Variants in GLS observed in about 807,000 individuals in gnomAD.
GLS encodes the protein glutaminase kidney isoform, mitochondrial.
In GLS, 36 loss-of-function variants were observed where a neutral mutation model predicts 86.7. The observed-to-expected ratio is 0.42, with a 90% CI of 0.32 to 0.55. The LOEUF (loss-of-function observed/expected upper bound fraction) is 0.55. Among genes scored for constraint, GLS ranks in the 20% least tolerant of loss-of-function variants. GLS has a pLI of 0.17. For synonymous variants in GLS, 317 were observed against 305.9 expected (o/e 1.04, Z -0.38); for missense variants, 528 against 833.4 (o/e 0.63, Z 4.51).
Position 190,901,941 on chromosome 2 carries a change from G to T in GLS, c.736-6G>T. The T allele has an allele frequency of 6.4e-7, 1 of 1,565,510 alleles. No homozygotes were observed. The highest frequency in any genetic ancestry group is 1.1e-5 in the South Asian group (1 of 90,020). ...TCTATTCATTTCTTTCCAATCTTTT[G>T]GATAGGTTGCAGATTATATTCCTCA... On this transcript the variant is annotated splice_polypyrimidine_tract_variant and splice_region_variant and intron_variant, in intron 4 of 17. Coordinates refer to ENST00000320717, the MANE Select transcript of GLS (RefSeq NM_014905.5).
intron 4 of GLS, 106 bp from the exon 5 acceptor site, chr2:190,901,841 C>T: frequency 2.8e-6 from 2 of 724,294 alleles, no homozygotes; most frequent in Middle Eastern, 3.4e-4. Flanking sequence ...TGTAGAATAA[C>T]TAGTCATTGG....
rs1377415680 is a variant in GLS at position 190,943,388 on chromosome 2, C to A, written c.1651-10177C>A. Among the ~76,000 whole-genome samples, 1 of 152,050 alleles carries A rather than the reference C, an allele frequency of 6.6e-6. No homozygotes were observed. Among genetic ancestry groups the A allele is most frequent in the African/African-American group, 2.4e-5 (1 of 41,392 alleles). On this transcript the variant is annotated intron_variant, in intron 14 of 17. Coordinates refer to ENST00000320717, the MANE Select transcript of GLS (RefSeq NM_014905.5). The surrounding 1 kb of genome is among the most constrained non-coding windows in gnomAD (Gnocchi z 4.5). ...AGTGATAAGGAAAGTGTATCAAAGA[C>A]AGAACCCTAAGAAACCATCATTTTA...
rs57991546 is a variant in GLS, at chr2:190,953,950, ATGTGTGTGTGTGTGTGTGTG to A, written c.1712+351_1712+370del. ...CTACCCTCCATTCCCAATCTTTGAT[ATGTGTGTGTGTGTGTGTGTG>A]TGTGTGTGTGTGTGTGTGTGTGTGT... is the stretch of plus-strand genomic sequence containing the variant. On this transcript the variant is annotated intron_variant, in intron 15 of 17. Transcript: ENST00000320717. The surrounding 1 kb of genome is among the most constrained non-coding windows in gnomAD (Gnocchi z 4.0). Among the ~76,000 whole-genome samples, 13 of 136,682 alleles carry A rather than the reference ATGTGTGTGTGTGTGTGTGTG, an allele frequency of 9.5e-5. No homozygotes were observed. Among genetic ancestry groups the A allele is most frequent in the South Asian group, 2.6e-4 (1 of 3,906 alleles). 89.7% of individuals were successfully genotyped at this position (136,682 alleles called of 152,430 possible). A position where few individuals can be genotyped will look rare whatever the true frequency, so the allele number is the denominator to read the frequency against.
At position 190,915,538 on chromosome 2, in the gene GLS, T is replaced by C. The variant is rs376928990; in HGVS notation, c.1038+5217T>C. ...AGTGATCTTCAAACTGGGATAAATA[T>C]ATCTTTGGATTCCATACTTGGAATT... On this transcript the variant is annotated intron_variant, in intron 7 of 17. Transcript: ENST00000320717. 2.6e-5 allele frequency among the ~76,000 whole-genome samples: 4 copies of C among 152,324 alleles called. No individual in the cohort carries two copies. The East Asian group carries it at 7.7e-4, about 29-fold the overall frequency.
At position 190,913,408 on chromosome 2, in the gene GLS, G is replaced by C; in HGVS notation, c.1038+3087G>C. ...ACAAATGTAATTTTATACTTAAAAT[G>C]CACATAATTTTTAAAAATCATAAGG... On this transcript the variant is annotated intron_variant, in intron 7 of 17. Coordinates refer to ENST00000320717, the MANE Select transcript of GLS (RefSeq NM_014905.5). The surrounding 1 kb of genome is among the most constrained non-coding windows in gnomAD (Gnocchi z 6.1). 1 of 919,000 alleles carries C rather than the reference G, an allele frequency of 1.1e-6. No homozygotes were observed. Among genetic ancestry groups the C allele is most frequent in the African/African-American group, 1.8e-5 (1 of 56,174 alleles). 56.9% of individuals were successfully genotyped at this position (919,000 alleles called of 1,614,324 possible). A position where few individuals can be genotyped will look rare whatever the true frequency, so the allele number is the denominator to read the frequency against.
At chr2:190,912,365 T>TTA (rs34287390) in intron 7 of GLS, among the ~76,000 whole-genome samples, 4 of 142,736 alleles carry the variant, frequency 2.8e-5, no homozygotes, top group Admixed American at 1.5e-4. Flanking sequence ...TTTTTTTTTT[T>TTA]ATGAAGTTCA....
chr2:190,881,122 T>C lies in GLS; in HGVS notation c.38T>C (p.Leu13Pro), dbSNP rs770943075. 1 of 1,560,648 alleles carries C rather than the reference T, an allele frequency of 6.4e-7. No homozygotes were observed. The highest frequency in any genetic ancestry group is 8.6e-7 in the Non-Finnish European group (1 of 1,161,682). ...CGAGGCTCGGGGATGCTGCGGGACC[T>C]GCTCCTGCGGTCGCCCGCCGGCGTG... The part of the protein sequence containing the change: ...RLRGSGMLRD[L>P]LLRSPAGVSA... Residue 13 changes from leucine to proline, a missense_variant, in exon 1 of 18, where the codon CTG (leucine) becomes CCG (proline). Leu to Pro is a moderately conservative substitution (Grantham distance 98). This residue lies in a region of GLS where 224 missense variants were observed against 187.9 expected (regional missense o/e 1.19). Transcript: ENST00000320717.
At chr2:190,888,740 G>C (rs1018430344) in intron 1 of GLS, among the ~76,000 whole-genome samples, 2 of 152,142 alleles carry the variant, frequency 1.3e-5, no homozygotes, top group African/African-American at 4.8e-5. Flanking sequence ...GATTGGTTCT[G>C]CTTTAACCAG....
intron 1 of GLS, among the ~76,000 whole-genome samples, chr2:190,894,062 GTTAA>G (rs762519765): frequency 2.0e-5 from 3 of 152,224 alleles, no homozygotes; most frequent in East Asian, 3.8e-4. Context: ...CACTAGTTTA[GTTAA>G]TTAAGATTTT....
In GLS at chr2:190,953,995, T is replaced by TGA. The variant is rs891904668; in HGVS notation, c.1712+370_1712+371dup. On this transcript the variant is annotated intron_variant, in intron 15 of 17. Transcript: ENST00000320717. The surrounding 1 kb of genome is among the most constrained non-coding windows in gnomAD (Gnocchi z 4.0). ...GTGTGTGTGTGTGTGTGTGTGTGTG[T>TGA]GAAGCAGCTGGGGGGTTTGGTGTCT... Among the ~76,000 whole-genome samples the TGA allele has an allele frequency of 1.5e-5, 2 of 136,834 alleles. No homozygotes were observed. The highest frequency in any genetic ancestry group is 5.4e-5 in the African/African-American group (2 of 37,348). The allele number at this position is 136,834 out of a possible 152,430, so 89.8% of individuals were successfully genotyped here. A position where few individuals can be genotyped will look rare whatever the true frequency, so the allele number is the denominator to read the frequency against.
intron 14 of GLS, among the ~76,000 whole-genome samples, chr2:190,941,962 G>A (rs1444560916): frequency 1.3e-5 from 2 of 150,374 alleles, no homozygotes; most frequent in African/African-American, 4.9e-5. Context: ...TGCTTCTGCT[G>A]TAGGTTGTCC....
chr2:190,910,004 C>T (rs1203403470), intron 6 of GLS, among the ~76,000 whole-genome samples: 1 of 152,108 alleles, frequency 6.6e-6, no homozygotes, highest in East Asian at 1.9e-4. Context: ...TGCCACTGCA[C>T]TTCAGCCTGG....
rs1034350112 is a variant in GLS, at chr2:190,935,001, T to C, written c.1650+3364T>C. ...AAGTTCTTGATAGTACCCACTATTA[T>C]TGGGTTTGTTTTATGCCATTATTGA... is the stretch of plus-strand genomic sequence containing the variant. On this transcript the variant is annotated intron_variant, in intron 14 of 17. Coordinates refer to ENST00000320717, the MANE Select transcript of GLS (RefSeq NM_014905.5). The surrounding 1 kb of genome is among the most constrained non-coding windows in gnomAD (Gnocchi z 4.2). 2.1e-6 allele frequency: 2 copies of C among 943,894 alleles called. No individual in the cohort carries two copies. Among genetic ancestry groups the C allele is most frequent in the Non-Finnish European group, 2.5e-6 (2 of 792,178 alleles). The allele number at this position is 943,894 out of a possible 1,614,324, so 58.5% of individuals were successfully genotyped here. A position where few individuals can be genotyped will look rare whatever the true frequency, so the allele number is the denominator to read the frequency against.
chr2:190,901,086 T>C (rs1688924883), intron 4 of GLS, among the ~76,000 whole-genome samples: 1 of 152,142 alleles, frequency 6.6e-6, no homozygotes, highest in Non-Finnish European at 1.5e-5. Context: ...TCATTTTCTT[T>C]TGTTTTAACT....
rs3036653 is a variant in GLS at position 190,942,067 on chromosome 2, C to CTTTTTTTTTTTTTTTTTTTTTTTTT, written c.1650+10436_1650+10460dup. Among the ~76,000 whole-genome samples the CTTTTTTTTTTTTTTTTTTTTTTTTT allele has an allele frequency of 1.1e-4, 4 of 38,054 alleles. 1 individual carries two copies. Among genetic ancestry groups the CTTTTTTTTTTTTTTTTTTTTTTTTT allele is most frequent in the Non-Finnish European group, 2.3e-4 (4 of 17,202 alleles). 25.0% of individuals were successfully genotyped at this position (38,054 alleles called of 152,430 possible). ...AGAGTTTAGTGTGAAACTTTGAAGA[C>CTTTTTTTTTTTTTTTTTTTTTTTTT]TTTTTTTTTTTTTTTTTTTTTTTTT... On this transcript the variant is annotated intron_variant, in intron 14 of 17. Transcript: ENST00000320717.
intron 14 of GLS, among the ~76,000 whole-genome samples, chr2:190,940,237 A>T (rs1040436869): frequency 6.6e-6 from 1 of 152,014 alleles, no homozygotes; most frequent in Non-Finnish European, 1.5e-5. Context: ...ATGTAAATAA[A>T]GAATGAACTA....
At chr2:190,948,094 T>C (rs1431443081) in intron 14 of GLS, among the ~76,000 whole-genome samples, 1 of 152,240 alleles carries the variant, frequency 6.6e-6, no homozygotes, top group Non-Finnish European at 1.5e-5. Context: ...GTGGTTTTGC[T>C]TTTAAATAGT....
rs1689428115 is a variant in GLS, at chr2:190,913,595, A to G, written c.1038+3274A>G. ...AGGAACAGTTATTTTTATATGATGT[A>G]GCAGTATCCTTACGTATTTGTTTTC... On this transcript the variant is annotated intron_variant, in intron 7 of 17. Coordinates refer to ENST00000320717, the MANE Select transcript of GLS (RefSeq NM_014905.5). The surrounding 1 kb of genome is among the most constrained non-coding windows in gnomAD (Gnocchi z 6.1). 1 of 964,590 alleles carries G rather than the reference A, an allele frequency of 1.0e-6. No homozygotes were observed. The highest frequency in any genetic ancestry group is 1.2e-6 in the Non-Finnish European group (1 of 811,004). The allele number at this position is 964,590 out of a possible 1,614,324, so 59.8% of individuals were successfully genotyped here.
intron 1 of GLS, among the ~76,000 whole-genome samples, chr2:190,892,905 A>T (rs1195843108): frequency 1.3e-5 from 2 of 152,168 alleles, no homozygotes; most frequent in East Asian, 1.9e-4. Flanking sequence ...TTTGGCAATA[A>T]CGTGGTCATT....
Sources: allele counts gnomAD v4.1 joint callset (sites outside exome capture counted in the v4.1 genomes callset), GRCh38; gene constraint gnomAD v4.1.1; regional missense constraint gnomAD v4.1.1; non-coding constraint Gnocchi (gnomAD v3.1); transcripts MANE v1.5; gene names NCBI Gene and HGNC (gene_info 2026-07-23, HGNC 2026-07-21).